Variants in CERS6 observed in about 807,000 individuals in gnomAD.
The protein encoded by CERS6 is LAG1 homolog, ceramide synthase 6.
A neutral mutation model predicts 56.8 loss-of-function variants in CERS6; 26 were observed. The observed-to-expected ratio is 0.46, with a 90% CI of 0.34 to 0.63. The LOEUF (loss-of-function observed/expected upper bound fraction) is 0.63, where lower values mean the gene tolerates loss of function less well. Among genes scored for constraint, CERS6 ranks in the 30% least tolerant of loss-of-function variants. The pLI, the probability that CERS6 is intolerant of heterozygous loss-of-function variation, is 0.01. For missense variants in CERS6, 415 were observed against 467.5 expected (o/e 0.89, Z 1.04); for synonymous variants, 164 against 173.3 (o/e 0.95, Z 0.42).
At chr2:168,753,595 A>G (rs1462013490) in intron 8 of CERS6, among the ~76,000 whole-genome samples, 1 of 152,214 alleles carries the variant, frequency 6.6e-6, no homozygotes, top group Non-Finnish European at 1.5e-5. Context: ...TTAAAAGCAT[A>G]CTTACTGCAT....
At chr2:168,541,359 T>C (rs949729936) in intron 1 of CERS6, among the ~76,000 whole-genome samples, 2 of 152,214 alleles carry the variant, frequency 1.3e-5, no homozygotes, top group African/African-American at 4.8e-5. Flanking sequence ...TATTATTTCT[T>C]CTAATATTGT....
At chr2:168,559,700 C>CCTTGAGCTG (rs1383294421) in intron 2 of CERS6, among the ~76,000 whole-genome samples, 1 of 86,004 alleles carries the variant, frequency 1.2e-5, no homozygotes, top group Non-Finnish European at 2.5e-5. Flanking sequence ...AGCACTGACC[C>CCTTGAGCTG]CTTGAGCTGC....
intron 1 of CERS6, among the ~76,000 whole-genome samples, chr2:168,541,884 C>T (rs1289127197): frequency 6.6e-6 from 1 of 152,210 alleles, no homozygotes; most frequent in African/African-American, 2.4e-5. Flanking sequence ...GTTCTCTAGT[C>T]ATTCTCTGAT....
In CERS6 at chr2:168,547,589, T is replaced by C; in HGVS notation, c.171-7T>C. On this transcript the variant is annotated splice_polypyrimidine_tract_variant and splice_region_variant and intron_variant, in intron 1 of 9. Coordinates refer to ENST00000305747, the MANE Select transcript of CERS6 (RefSeq NM_203463.3). ...ACCTTCTACTTTTTTCTTTTTGTAA[T>C]TTTTAGATTTGTAGCCAAACCGTGC... 1 of 1,592,454 alleles carries C rather than the reference T, an allele frequency of 6.3e-7. No individual in the cohort carries two copies. Among genetic ancestry groups the C allele is most frequent in the Non-Finnish European group, 8.6e-7 (1 of 1,164,478 alleles).
intron 3 of CERS6, among the ~76,000 whole-genome samples, chr2:168,598,480 A>G (rs577836798): frequency 4.6e-5 from 7 of 152,276 alleles, no homozygotes; most frequent in African/African-American, 1.7e-4. Flanking sequence ...GTAAAAAAAA[A>G]TAATGGCAAG....
chr2:168,677,583 C>T (rs991168762), intron 4 of CERS6, among the ~76,000 whole-genome samples: 2 of 152,122 alleles, frequency 1.3e-5, no homozygotes, highest in Non-Finnish European at 2.9e-5. Context: ...CCACAACCTC[C>T]ACCTCCCAGG....
chr2:168,516,321 T>G (rs1430741442), intron 1 of CERS6, among the ~76,000 whole-genome samples: 1 of 152,126 alleles, frequency 6.6e-6, no homozygotes, highest in African/African-American at 2.4e-5. Flanking sequence ...ATGTCCAGAA[T>G]CAGGCAGCTT....
intron 4 of CERS6, among the ~76,000 whole-genome samples, chr2:168,672,762 C>T (rs1481845244): frequency 6.6e-6 from 1 of 152,178 alleles, no homozygotes; most frequent in Non-Finnish European, 1.5e-5. Flanking sequence ...GGTTCAGCCT[C>T]TTGACATAGT....
At chr2:168,610,327 C>T (rs1029257764) in intron 3 of CERS6, among the ~76,000 whole-genome samples, 28 of 152,080 alleles carry the variant, frequency 1.8e-4, no homozygotes, top group Non-Finnish European at 1.5e-4. Flanking sequence ...ACAGCTGTTG[C>T]CCATCCATCG....
chr2:168,651,435 TTAAG>T (rs781318580), intron 4 of CERS6, among the ~76,000 whole-genome samples: 2 of 152,204 alleles, frequency 1.3e-5, no homozygotes, highest in Admixed American at 6.5e-5. Flanking sequence ...AGAAGATTGT[TTAAG>T]TAACTGTATT....
intron 1 of CERS6, among the ~76,000 whole-genome samples, chr2:168,524,437 GTC>G (rs1695035401): frequency 6.6e-6 from 1 of 152,186 alleles, no homozygotes; most frequent in Non-Finnish European, 1.5e-5. Flanking sequence ...CTTCTCTGAA[GTC>G]TCTATCCAGA....
intron 1 of CERS6, among the ~76,000 whole-genome samples, chr2:168,503,258 C>T (rs945017427): frequency 1.3e-5 from 2 of 152,162 alleles, no homozygotes; most frequent in African/African-American, 4.8e-5. Context: ...AATTAAACCT[C>T]TTTCTTTATA....
chr2:168,697,631 G>T (rs1422306756), intron 6 of CERS6, among the ~76,000 whole-genome samples: 1 of 151,186 alleles, frequency 6.6e-6, no homozygotes, highest in Non-Finnish European at 1.5e-5. Context: ...TGCAATATAG[G>T]AATGAATTAG....
chr2:168,474,293 T>C (rs1694029226), intron 1 of CERS6, among the ~76,000 whole-genome samples: 1 of 152,200 alleles, frequency 6.6e-6, no homozygotes, highest in Non-Finnish European at 1.5e-5. Context: ...TTCATTCCTA[T>C]ACAGACTTCT....
At chr2:168,563,057 G>A (rs905474816) in intron 3 of CERS6, among the ~76,000 whole-genome samples, 2 of 152,126 alleles carry the variant, frequency 1.3e-5, no homozygotes, top group African/African-American at 2.4e-5. Flanking sequence ...ACTATGCTGA[G>A]TCTACTCCAG....
chr2:168,723,328 C>T (rs1188934090), intron 8 of CERS6, among the ~76,000 whole-genome samples: 1 of 152,192 alleles, frequency 6.6e-6, no homozygotes, highest in Non-Finnish European at 1.5e-5. Flanking sequence ...AGTTTACCTC[C>T]CAATACTTTC....
intron 8 of CERS6, among the ~76,000 whole-genome samples, chr2:168,747,502 A>G (rs1311528699): frequency 6.6e-6 from 1 of 152,194 alleles, no homozygotes; most frequent in Non-Finnish European, 1.5e-5. Context: ...CTTAAAAGAT[A>G]GATAACCGTA....
intron 1 of CERS6, among the ~76,000 whole-genome samples, chr2:168,523,169 G>C (rs1420334444): frequency 6.6e-6 from 1 of 152,108 alleles, no homozygotes; most frequent in Non-Finnish European, 1.5e-5. Flanking sequence ...CTGCCTCTCT[G>C]CTCTACCATT....
intron 3 of CERS6, among the ~76,000 whole-genome samples, chr2:168,614,603 C>T (rs921002417): frequency 6.6e-6 from 1 of 152,208 alleles, no homozygotes; most frequent in South Asian, 2.1e-4. Flanking sequence ...CTGGCTTTCC[C>T]CCACTTCCCT....
Sources: gnomAD v4.1 joint callset for allele counts (sites outside exome capture counted in the v4.1 genomes callset) on GRCh38, gnomAD v4.1.1 for gene constraint, MANE v1.5 for transcripts, NCBI Gene and HGNC (gene_info 2026-07-23, HGNC 2026-07-21) for gene names.